Variants in LHPP observed in about 807,000 individuals in gnomAD.
LHPP encodes phospholysine phosphohistidine inorganic pyrophosphate phosphatase.
Under a neutral mutation model 30.3 loss-of-function variants are expected in LHPP, and 24 were observed. The observed-to-expected ratio is 0.79, with a 90% CI of 0.57 to 1.11. The LOEUF (loss-of-function observed/expected upper bound fraction) is 1.11. LHPP is among the 50% of genes most tolerant of loss of function. The probability of loss-of-function intolerance (pLI) is 0.00; values close to 1 mark genes in which losing one functional copy is unlikely to be tolerated. For synonymous variants in LHPP, 150 were observed against 157.1 expected (o/e 0.95, Z 0.34); for missense variants, 356 against 367.2 (o/e 0.97, Z 0.25).
chr10:124,591,060 G>T (rs1948877338), intron 6 of LHPP, among the ~76,000 whole-genome samples: 1 of 151,954 alleles, frequency 6.6e-6, no homozygotes, highest in African/African-American at 2.4e-5. Flanking sequence ...GCCCTCTGAG[G>T]GGGTAGCGTG....
chr10:124,507,989 G>A (rs2807050), intron 5 of LHPP, among the ~76,000 whole-genome samples: 3 of 141,688 alleles, frequency 2.1e-5, no homozygotes, highest in East Asian at 4.1e-4. Flanking sequence ...TGAAAAATGG[G>A]GGTGAGGTTT....
intron 1 of LHPP, among the ~76,000 whole-genome samples, chr10:124,470,063 G>A (rs1415887779): frequency 1.3e-5 from 2 of 152,204 alleles, no homozygotes; most frequent in African/African-American, 4.8e-5. Flanking sequence ...ACAGGCCGGA[G>A]GACATCTGTA....
At chr10:124,499,656 A>G (rs1022566193) in intron 5 of LHPP, among the ~76,000 whole-genome samples, 3 of 151,550 alleles carry the variant, frequency 2.0e-5, no homozygotes, top group African/African-American at 7.3e-5. Context: ...CTCCTTCTTT[A>G]AAAAAAAGAA....
chr10:124,530,001 C>T (rs1020772092), intron 6 of LHPP, among the ~76,000 whole-genome samples: 2 of 152,198 alleles, frequency 1.3e-5, no homozygotes, highest in African/African-American at 4.8e-5. Context: ...TGGAGAGGTG[C>T]CTTGCCACAG....
chr10:124,514,791 C>G (rs1020973366), intron 5 of LHPP, among the ~76,000 whole-genome samples: 2 of 148,660 alleles, frequency 1.3e-5, no homozygotes, highest in African/African-American at 4.9e-5. Flanking sequence ...CTTCTCTCAT[C>G]TCACTTTTTT....
At chr10:124,537,759 G>A (rs561468975) in intron 6 of LHPP, among the ~76,000 whole-genome samples, 62 of 152,348 alleles carry the variant, frequency 4.1e-4, no homozygotes, top group African/African-American at 1.3e-3. Flanking sequence ...CCCATGGGCC[G>A]GGCTGATATT....
At chr10:124,486,114 A>C (rs10901704) in intron 2 of LHPP, among the ~76,000 whole-genome samples, 24,816 of 152,120 alleles carry the variant, frequency 0.16, 2,310 homozygotes, top group Non-Finnish European at 0.2. Flanking sequence ...GTTTGATGTA[A>C]AATTTACATA....
chr10:124,496,814 T>C lies in LHPP; in HGVS notation c.468-147T>C. The C allele has an allele frequency of 1.5e-6, 1 of 685,550 alleles. No homozygotes were observed. Among genetic ancestry groups the C allele is most frequent in the Non-Finnish European group, 2.5e-6 (1 of 398,868 alleles). 42.5% of individuals were successfully genotyped at this position (685,550 alleles called of 1,614,324 possible). ...CTGTGGTGCTGGTCCCCTGCGGTCA[T>C]TCTCAGCGTAGCGCCTGGACTGCCC... is the stretch of plus-strand genomic sequence containing the variant. On this transcript the variant is annotated intron_variant, in intron 3 of 6. Transcript: ENST00000368842. This position sits in a 1 kb window ranked among gnomAD's most constrained non-coding sequence, Gnocchi z 4.3.
In LHPP at chr10:124,567,332, G is replaced by T. The variant is rs148313693; in HGVS notation, c.717-45932G>T. Among the ~76,000 whole-genome samples the T allele has an allele frequency of 6.3e-3, 966 of 152,352 alleles. 4 individuals are homozygous for T. The highest frequency in any genetic ancestry group is 0.011 in the Non-Finnish European group (718 of 68,030). ...GAGAAGACACAACCAGGGAGCGAGT[G>T]CACGCCCGGGCCGACCAGGGCTGCG... is the stretch of plus-strand genomic sequence containing the variant. On this transcript the variant is annotated intron_variant, in intron 6 of 6. Coordinates refer to ENST00000368842, the MANE Select transcript of LHPP (RefSeq NM_022126.4).
chr10:124,462,021 G>C, intron 1 of LHPP, 34 bp downstream of exon 1: 3 of 1,199,332 alleles, frequency 2.5e-6, no homozygotes, highest in Admixed American at 4.4e-5. Context: ...TGGGGCCGCC[G>C]AGCTCTAAGC....
chr10:124,506,272 C>A (rs889415303), intron 5 of LHPP, among the ~76,000 whole-genome samples: 1 of 128,762 alleles, frequency 7.8e-6, no homozygotes, highest in Middle Eastern at 3.7e-3. Flanking sequence ...AACCCCCCCC[C>A]CACCCCGCGG....
In LHPP at chr10:124,514,021, C is replaced by G. The variant is rs1235231013; in HGVS notation, c.625-3159C>G. 5.9e-5 allele frequency among the ~76,000 whole-genome samples: 9 copies of G among 152,204 alleles called. 1 individual carries two copies. The highest frequency in any genetic ancestry group is 1.3e-4 in the Non-Finnish European group (9 of 68,056). ...AGCTGCTCAAGACACATTTGCTGAG[C>G]GTCAACCAAGTGCCAGTTGTCAACC... is the stretch of plus-strand genomic sequence containing the variant. On this transcript the variant is annotated intron_variant, in intron 5 of 6. Coordinates refer to ENST00000368842, the MANE Select transcript of LHPP (RefSeq NM_022126.4).
At position 124,461,955 on chromosome 10, in the gene LHPP, G is replaced by A. The variant is rs1015085379; in HGVS notation, c.93G>A (p.Thr31=). The A allele has an allele frequency of 1.6e-6, 2 of 1,228,216 alleles. No homozygotes were observed. Among genetic ancestry groups the A allele is most frequent in the African/African-American group, 1.6e-5 (1 of 64,058 alleles). The allele number at this position is 1,228,216 out of a possible 1,614,324, so 76.1% of individuals were successfully genotyped here. A position where few individuals can be genotyped will look rare whatever the true frequency, so the allele number is the denominator to read the frequency against. Residue 31 remains threonine (T), a synonymous_variant, in exon 1 of 7, where the codon ACG becomes ACA. Coordinates refer to ENST00000368842, the MANE Select transcript of LHPP (RefSeq NM_022126.4). ...VLYDSGAGGG[T]AIAGSVEAVA... is the part of the protein sequence containing the mutation. ...ACGACAGCGGCGCGGGCGGCGGCAC[G>A]GCCATCGCCGGCTCGGTGGAGGCGG...
At chr10:124,553,528 A>G (rs1370784816) in intron 6 of LHPP, among the ~76,000 whole-genome samples, 7 of 130,066 alleles carry the variant, frequency 5.4e-5, no homozygotes, top group Non-Finnish European at 7.7e-5. Context: ...GCACAATCTC[A>G]GCTCACTGCA....
intron 1 of LHPP, among the ~76,000 whole-genome samples, chr10:124,465,432 G>A (rs1489351492): frequency 1.3e-5 from 2 of 152,156 alleles, no homozygotes; most frequent in African/African-American, 4.8e-5. Flanking sequence ...TAAAAAGTGA[G>A]ACATACAAGT....
intron 6 of LHPP, among the ~76,000 whole-genome samples, chr10:124,518,970 G>A (rs1036453158): frequency 2.6e-5 from 4 of 152,194 alleles, no homozygotes; most frequent in African/African-American, 9.7e-5. Flanking sequence ...TTGAGACAGA[G>A]TCTCCCTCTG....
chr10:124,522,511 G>A (rs1193137225), intron 6 of LHPP, among the ~76,000 whole-genome samples: 1 of 152,238 alleles, frequency 6.6e-6, no homozygotes, highest in Non-Finnish European at 1.5e-5. Flanking sequence ...GGACAGCTAG[G>A]ACCTTGGCCA....
At chr10:124,494,520 C>T (rs9422842) in intron 3 of LHPP, among the ~76,000 whole-genome samples, 2 of 152,124 alleles carry the variant, frequency 1.3e-5, no homozygotes, top group Non-Finnish European at 2.9e-5. Context: ...CCTCCCTACC[C>T]ACCTCGATGC....
At chr10:124,498,760 C>T in intron 5 of LHPP, 1 of 464,768 alleles carries the variant, frequency 2.2e-6, no homozygotes, top group South Asian at 1.6e-5. Flanking sequence ...GCCTGGACCT[C>T]CCAGGCTCAA....
Sources: gnomAD v4.1 joint callset for allele counts (sites outside exome capture counted in the v4.1 genomes callset) on GRCh38, gnomAD v4.1.1 for gene constraint, Gnocchi (gnomAD v3.1) non-coding constraint, MANE v1.5 for transcripts, NCBI Gene and HGNC (gene_info 2026-07-23, HGNC 2026-07-21) for gene names.